The following NRXN1 variants were observed in gnomAD, a reference collection of about 807,000 sequenced individuals.
NRXN1 encodes neurexin-1.
A neutral mutation model predicts 150.9 loss-of-function variants in NRXN1; 39 were observed. The ratio of observed to expected loss-of-function variants is 0.26; its 90% CI spans 0.20 to 0.34. The LOEUF (loss-of-function observed/expected upper bound fraction) is 0.34. Ranked by LOEUF, NRXN1 falls within the 10% of genes least tolerant of loss-of-function variation. The pLI, the probability that NRXN1 is intolerant of heterozygous loss-of-function variation, is 1.00. For synonymous variants in NRXN1, 924 were observed against 757.0 expected, an observed-to-expected ratio of 1.22 and a Z score of -3.62; for missense variants, 1,815 against 1,949.9, an observed-to-expected ratio of 0.93 and a Z score of 1.30.
chr2:50,351,945 A>T (rs2153001651), intron 17 of NRXN1, among the ~76,000 whole-genome samples: 1 of 152,306 alleles, frequency 6.6e-6, no homozygotes, highest in Non-Finnish European at 1.5e-5. Context: ...TCATTAATAA[A>T]TGTCTAGATC....
At chr2:50,302,583 C>A (rs941677079) in intron 17 of NRXN1, among the ~76,000 whole-genome samples, 1 of 152,102 alleles carries the variant, frequency 6.6e-6, no homozygotes, top group African/African-American at 2.4e-5. Context: ...GTTGCAGTTT[C>A]GATTTATACA....
chr2:50,288,287 A>T (rs898185088), intron 17 of NRXN1, among the ~76,000 whole-genome samples: 3 of 152,096 alleles, frequency 2.0e-5, no homozygotes, highest in Non-Finnish European at 2.9e-5. Flanking sequence ...GCCATGACTA[A>T]GAAAGAAGTG....
intron 15 of NRXN1, among the ~76,000 whole-genome samples, chr2:50,486,323 C>G (rs920855000): frequency 6.6e-6 from 1 of 152,096 alleles, no homozygotes; most frequent in African/African-American, 2.4e-5. Flanking sequence ...AGAATACAGA[C>G]AGACCCAAGC....
intron 17 of NRXN1, among the ~76,000 whole-genome samples, chr2:50,326,375 C>T (rs1229508293): frequency 1.3e-5 from 2 of 152,108 alleles, no homozygotes; most frequent in African/African-American, 4.8e-5. Flanking sequence ...TTTGTACTTG[C>T]TGTATCTGAA....
At chr2:51,021,691 AAG>A (rs1158201909) in intron 2 of NRXN1, among the ~76,000 whole-genome samples, 2 of 152,018 alleles carry the variant, frequency 1.3e-5, no homozygotes, top group Admixed American at 1.3e-4. Context: ...TTTAATGTAT[AAG>A]AGAGTCTCAA....
At chr2:50,675,541 A>C (rs1305809139) in intron 5 of NRXN1, among the ~76,000 whole-genome samples, 1 of 152,162 alleles carries the variant, frequency 6.6e-6, no homozygotes, top group East Asian at 1.9e-4. Flanking sequence ...TGGCCAGTGG[A>C]GTGATGATAA....
chr2:49,964,879 GTAAAAGTTCTTTA>G (rs1044251850), intron 21 of NRXN1, among the ~76,000 whole-genome samples: 1 of 152,058 alleles, frequency 6.6e-6, no homozygotes, highest in Non-Finnish European at 1.5e-5. Context: ...AATGATAAAT[GTAAAAGTTCTTTA>G]TTTTATTTTT....
chr2:50,993,242 A>G (rs2105008518), intron 2 of NRXN1, among the ~76,000 whole-genome samples: 1 of 152,094 alleles, frequency 6.6e-6, no homozygotes, highest in African/African-American at 2.4e-5. Context: ...ATAGACGATA[A>G]TCTAAGTCTT....
At chr2:50,363,505 T>C (rs1489464219) in intron 17 of NRXN1, among the ~76,000 whole-genome samples, 1 of 152,220 alleles carries the variant, frequency 6.6e-6, no homozygotes, top group Non-Finnish European at 1.5e-5. Context: ...TCATCATCAC[T>C]GGTCATTAGA....
intron 18 of NRXN1, among the ~76,000 whole-genome samples, chr2:50,152,580 G>A (rs368817813): frequency 1.3e-5 from 2 of 151,870 alleles, no homozygotes; most frequent in African/African-American, 4.8e-5. Context: ...AGTTTTGCCA[G>A]ATATAGGATT....
At chr2:50,299,464 C>T (rs1199745140) in intron 17 of NRXN1, among the ~76,000 whole-genome samples, 1 of 148,966 alleles carries the variant, frequency 6.7e-6, no homozygotes, top group Non-Finnish European at 1.5e-5. Flanking sequence ...ATGTCTTTTT[C>T]CCCCTGAAGA....
At chr2:50,927,219 A>G (rs1687037628) in intron 2 of NRXN1, among the ~76,000 whole-genome samples, 1 of 152,050 alleles carries the variant, frequency 6.6e-6, no homozygotes, top group Non-Finnish European at 1.5e-5. Context: ...AGGTTCACCT[A>G]AAACCTTCTT....
chr2:51,014,995 G>A (rs564099984), intron 2 of NRXN1, among the ~76,000 whole-genome samples: 5 of 152,032 alleles, frequency 3.3e-5, no homozygotes, highest in East Asian at 1.9e-4. Context: ...AGACAATTAC[G>A]TATTTATTCT....
intron 2 of NRXN1, among the ~76,000 whole-genome samples, chr2:51,003,228 G>T (rs1285897495): frequency 1.3e-5 from 2 of 151,846 alleles, no homozygotes; most frequent in East Asian, 3.9e-4. Context: ...TAAAATTATT[G>T]TTATCAACCA....
intron 13 of NRXN1, among the ~76,000 whole-genome samples, chr2:50,500,496 G>A (rs1019898471): frequency 1.3e-5 from 2 of 152,238 alleles, no homozygotes; most frequent in East Asian, 1.9e-4. Context: ...TTACTCCAAT[G>A]TTTAATCCTC....
rs557151387 is a variant in NRXN1 at position 50,082,143 on chromosome 2, G to A, written c.3718+9180C>T. Among the ~76,000 whole-genome samples the A allele has an allele frequency of 1.1e-4, 17 of 152,170 alleles. No individual in the cohort carries two copies. The East Asian group carries it at 3.3e-3, about 29-fold the overall frequency. On this transcript the variant is annotated intron_variant, in intron 19 of 22. Transcript: ENST00000401669. ...AAAAGCTAGATTTCTGCATTGTAGTGACAATTAATTTTTTATATCTGACAT... is the reference window on the plus strand; with the variant it reads ...AAAAGCTAGATTTCTGCATTGTAGTAACAATTAATTTTTTATATCTGACAT...
chr2:50,136,801 G>T (rs2152754315), intron 18 of NRXN1, among the ~76,000 whole-genome samples: 1 of 152,130 alleles, frequency 6.6e-6, no homozygotes, highest in Non-Finnish European at 1.5e-5. Flanking sequence ...TATTTGTTAT[G>T]GTCCCAATTA....
intron 22 of NRXN1, among the ~76,000 whole-genome samples, chr2:49,934,938 G>C (rs1221479620): frequency 6.6e-6 from 1 of 152,134 alleles, no homozygotes; most frequent in Non-Finnish European, 1.5e-5. Context: ...TGGTCACTGA[G>C]AAAAGTTTTA....
At chr2:50,967,187 A>G (rs1054535794) in intron 2 of NRXN1, among the ~76,000 whole-genome samples, 2 of 152,004 alleles carry the variant, frequency 1.3e-5, no homozygotes, top group Admixed American at 6.6e-5. Context: ...TACTTCAGAT[A>G]CATAAATTTC....
Sources: gnomAD v4.1 joint callset for allele counts (sites outside exome capture counted in the v4.1 genomes callset) on GRCh38, gnomAD v4.1.1 for gene constraint, MANE v1.5 for transcripts, NCBI Gene and HGNC (gene_info 2026-07-23, HGNC 2026-07-21) for gene names.